RORA: variants seen among roughly 807,000 people sequenced by gnomAD.
The protein encoded by RORA is nuclear receptor ROR-alpha.
In RORA, 7 loss-of-function variants were observed where a neutral mutation model predicts 69.5. The observed-to-expected ratio is 0.10, with a 90% CI of 0.06 to 0.19. The LOEUF (loss-of-function observed/expected upper bound fraction) is 0.19, where lower values mean the gene tolerates loss of function less well. Ranked by LOEUF, RORA falls within the 10% of genes least tolerant of loss-of-function variation. The pLI is 1.00. For synonymous variants in RORA, 261 were observed against 240.8 expected (o/e 1.08, Z -0.78); for missense variants, 457 against 663.0 (o/e 0.69, Z 3.41).
At chr15:60,800,634 G>A (rs1044278897) in intron 1 of RORA, among the ~76,000 whole-genome samples, 1 of 152,164 alleles carries the variant, frequency 6.6e-6, no homozygotes, top group Non-Finnish European at 1.5e-5. Context: ...CTCAGGGGGC[G>A]AGAGACTTTC....
chr15:60,945,427 G>C (rs558203183), intron 1 of RORA, among the ~76,000 whole-genome samples: 1 of 152,234 alleles, frequency 6.6e-6, no homozygotes, highest in East Asian at 1.9e-4. Context: ...ATGAGCTCCC[G>C]TCAGGGGAAA....
intron 1 of RORA, among the ~76,000 whole-genome samples, chr15:61,099,615 C>T (rs925080123): frequency 2.0e-5 from 3 of 152,190 alleles, no homozygotes; most frequent in African/African-American, 4.8e-5. Context: ...ACACACGCAA[C>T]GCATACCTCC....
chr15:61,221,374 T>C (rs1207368792), intron 1 of RORA, among the ~76,000 whole-genome samples: 1 of 152,158 alleles, frequency 6.6e-6, no homozygotes, highest in Admixed American at 6.5e-5. Flanking sequence ...GTCCCTCATT[T>C]CCCCCTCATT....
Position 60,503,644 on chromosome 15 carries a change from C to T in RORA, c.966G>A (p.Leu322=). The T allele has an allele frequency of 1.2e-6, 2 of 1,614,010 alleles. No homozygotes were observed. Among genetic ancestry groups the T allele is most frequent in the Non-Finnish European group, 1.7e-6 (2 of 1,180,004 alleles). The change falls in exon 7 of 11, where the codon TTG becomes TTA. Residue 322 remains leucine, a synonymous_variant. Transcript: ENST00000335670. The stretch of plus-strand genomic sequence containing the variant: ...TAGCTTCTGTAATTTTGATGGCACA[C>T]AATTGCCACATCACCTCCCGCTGCT... The part of the protein sequence containing the change: ...QNKQREVMWQ[L]CAIKITEAIQ...
intron 1 of RORA, among the ~76,000 whole-genome samples, chr15:60,847,367 C>T (rs2073277473): frequency 6.6e-6 from 1 of 151,966 alleles, no homozygotes; most frequent in Admixed American, 6.6e-5. Context: ...TCAGCTTCAC[C>T]AGAGGACACA....
intron 1 of RORA, among the ~76,000 whole-genome samples, chr15:60,947,054 G>T (rs186553064): frequency 1.2e-5 from 1 of 86,764 alleles, no homozygotes; most frequent in Non-Finnish European, 3.1e-5. Context: ...GCCCCGTCCG[G>T]GAGGGAGGTG....
chr15:60,968,709 GT>G (rs1343185004), intron 1 of RORA, among the ~76,000 whole-genome samples: 1 of 148,304 alleles, frequency 6.7e-6, no homozygotes, highest in Non-Finnish European at 1.5e-5. Context: ...AGAGTAATTT[GT>G]TGTCTTGATG....
intron 1 of RORA, among the ~76,000 whole-genome samples, chr15:60,979,752 G>A (rs977221941): frequency 2.7e-5 from 4 of 147,452 alleles, no homozygotes; most frequent in African/African-American, 7.4e-5. Context: ...GTGTGTGCAC[G>A]TGTGTGTTTC....
chr15:60,755,707 T>C (rs926347118), intron 1 of RORA, among the ~76,000 whole-genome samples: 1 of 152,196 alleles, frequency 6.6e-6, no homozygotes, highest in African/African-American at 2.4e-5. Context: ...ACATAGAAGC[T>C]GTTCAAGAAA....
intron 1 of RORA, among the ~76,000 whole-genome samples, chr15:61,102,167 G>A (rs995718570): frequency 2.0e-5 from 3 of 152,156 alleles, no homozygotes; most frequent in African/African-American, 4.8e-5. Flanking sequence ...GTGGATGCTT[G>A]AGAGAATCTG....
intron 1 of RORA, among the ~76,000 whole-genome samples, chr15:61,126,597 A>G (rs2079144196): frequency 6.6e-6 from 1 of 152,224 alleles, no homozygotes; most frequent in Admixed American, 6.5e-5. Flanking sequence ...AGTTGTAATT[A>G]ACAAGCTACT....
chr15:60,659,600 C>T (rs185642971), intron 2 of RORA, among the ~76,000 whole-genome samples: 1 of 152,298 alleles, frequency 6.6e-6, no homozygotes, highest in Admixed American at 6.5e-5. Flanking sequence ...TTATATAGTT[C>T]AAGAGATCAT....
At chr15:61,182,268 G>A (rs563234271) in intron 1 of RORA, among the ~76,000 whole-genome samples, 10 of 152,260 alleles carry the variant, frequency 6.6e-5, no homozygotes, top group Admixed American at 1.3e-4. Flanking sequence ...CAAGTTCCTC[G>A]CCTGAGGTCA....
chr15:61,038,285 C>A (rs1896564440), intron 1 of RORA, among the ~76,000 whole-genome samples: 1 of 151,998 alleles, frequency 6.6e-6, no homozygotes, highest in African/African-American at 2.4e-5. Flanking sequence ...GAGTTTTTTT[C>A]TTCTTATATA....
At chr15:60,505,658 C>A (rs201885106) in intron 5 of RORA, 29 bp from the exon 6 acceptor site, 1 of 1,608,186 alleles carries the variant, frequency 6.2e-7, no homozygotes, top group Non-Finnish European at 8.5e-7. Flanking sequence ...ATCACAAACA[C>A]GAAAAGCGAA....
intron 1 of RORA, among the ~76,000 whole-genome samples, chr15:60,851,958 C>T (rs2073329858): frequency 6.6e-6 from 1 of 152,164 alleles, no homozygotes. Context: ...CCATGTTCCC[C>T]ATCAAGTCTC....
intron 1 of RORA, among the ~76,000 whole-genome samples, chr15:61,125,144 C>T (rs1596009839): frequency 1.3e-5 from 2 of 152,174 alleles, no homozygotes; most frequent in East Asian, 1.9e-4. Flanking sequence ...TTTTGGTCCA[C>T]TAAATGTCAT....
In RORA at chr15:60,905,742, AC is replaced by A. The variant is rs1329014935; in HGVS notation, c.167-227057del. Among the ~76,000 whole-genome samples, 2 of 152,202 alleles carry A rather than the reference AC, an allele frequency of 1.3e-5. No individual in the cohort carries two copies. The highest frequency in any genetic ancestry group is 2.9e-5 in the Non-Finnish European group (2 of 68,032). On this transcript the variant is annotated intron_variant, in intron 1 of 10. Coordinates refer to ENST00000335670, the MANE Select transcript of RORA (RefSeq NM_134261.3). This position sits in a 1 kb window ranked among gnomAD's most constrained non-coding sequence, Gnocchi z 4.8. Reference sequence around the variant, plus strand: ...TTAAGAGATCCAAGCAAGTAGGGTCACCTGTGCTGAGCAGGTTAGAGCCGGC... The same window carrying A: ...TTAAGAGATCCAAGCAAGTAGGGTCACTGTGCTGAGCAGGTTAGAGCCGGC...
chr15:61,119,480 T>C (rs1442860969), intron 1 of RORA, among the ~76,000 whole-genome samples: 3 of 151,780 alleles, frequency 2.0e-5, no homozygotes, highest in African/African-American at 4.8e-5. Context: ...ATACATTTTA[T>C]TTTTTCCCCC....
Sources: allele counts gnomAD v4.1 joint callset (sites outside exome capture counted in the v4.1 genomes callset), GRCh38; gene constraint gnomAD v4.1.1; non-coding constraint Gnocchi (gnomAD v3.1); transcripts MANE v1.5; gene names NCBI Gene and HGNC (gene_info 2026-07-23, HGNC 2026-07-21).